Variants in TPRG1 observed in about 807,000 individuals in gnomAD.
TPRG1 encodes tumor protein p63-regulated gene 1 protein.
In TPRG1, 29 loss-of-function variants were observed where a neutral mutation model predicts 29.3. The observed-to-expected ratio is 0.99, with a 90% CI of 0.74 to 1.35. The LOEUF is 1.35. Among genes scored for constraint, TPRG1 ranks in the 40% most tolerant of loss-of-function variants. TPRG1 has a pLI of 0.00. For synonymous variants in TPRG1, 130 were observed against 116.8 expected (o/e 1.11, Z -0.73); for missense variants, 327 against 335.0 (o/e 0.98, Z 0.19).
At chr3:189,119,508 G>A (rs1721577208) in intron 1 of TPRG1, among the ~76,000 whole-genome samples, 1 of 152,168 alleles carries the variant, frequency 6.6e-6, no homozygotes, top group Non-Finnish European at 1.5e-5. Context: ...AATTGATATG[G>A]TTTGGCTCTG....
intron 1 of TPRG1, among the ~76,000 whole-genome samples, chr3:189,126,352 G>T (rs1005875378): frequency 1.3e-5 from 2 of 152,076 alleles, no homozygotes; most frequent in Admixed American, 6.5e-5. Context: ...TCTTTCCTTA[G>T]TTAAGGGAAT....
At chr3:189,093,115 AG>A (rs1718443830) in intron 4 of TPRG1, among the ~76,000 whole-genome samples, 1 of 152,120 alleles carries the variant, frequency 6.6e-6, no homozygotes, top group East Asian at 1.9e-4. Context: ...CCCTGTATAG[AG>A]GACAGTGAAT....
At chr3:189,281,996 T>C (rs905716020) in intron 4 of TPRG1, among the ~76,000 whole-genome samples, 1 of 152,090 alleles carries the variant, frequency 6.6e-6, no homozygotes. Flanking sequence ...TTCTCATGCC[T>C]CAGCTTCCTG....
intron 1 of TPRG1, among the ~76,000 whole-genome samples, chr3:189,191,646 T>G (rs545569826): frequency 1.8e-4 from 28 of 152,338 alleles, no homozygotes; most frequent in South Asian, 8.3e-4. Flanking sequence ...TTCAGCATTT[T>G]GGGAGCTTAA....
At chr3:189,270,017 ATCTTCT>A (rs72453037) in intron 4 of TPRG1, among the ~76,000 whole-genome samples, 3,669 of 148,564 alleles carry the variant, frequency 0.025, 92 homozygotes, top group African/African-American at 0.062. Flanking sequence ...TCTTCTCTGG[ATCTTCT>A]TCTTCTTCTT....
intron 1 of TPRG1, among the ~76,000 whole-genome samples, chr3:189,178,651 G>A (rs546449704): frequency 6.6e-6 from 1 of 152,248 alleles, no homozygotes; most frequent in Admixed American, 6.5e-5. Flanking sequence ...CAGGCTCCAG[G>A]GGTTGAAGTC....
At chr3:189,197,528 G>A (rs1732744977) in intron 1 of TPRG1, among the ~76,000 whole-genome samples, 1 of 152,124 alleles carries the variant, frequency 6.6e-6, no homozygotes, top group Non-Finnish European at 1.5e-5. Flanking sequence ...TGCAAAGTAG[G>A]ACACTTTTGC....
At chr3:189,108,305 T>A (rs899778291) in intron 1 of TPRG1, among the ~76,000 whole-genome samples, 3 of 152,168 alleles carry the variant, frequency 2.0e-5, no homozygotes, top group Admixed American at 2.0e-4. Flanking sequence ...AGGGGCAAGC[T>A]GACAGCAACT....
chr3:189,315,278 T>TTGTGTG (rs34255648), intron 5 of TPRG1, among the ~76,000 whole-genome samples: 567 of 143,492 alleles, frequency 4.0e-3, no homozygotes, highest in African/African-American at 0.013. Context: ...CCTGAAAGAA[T>TTGTGTG]TGTGTGTGTG....
intron 4 of TPRG1, among the ~76,000 whole-genome samples, chr3:189,078,992 AG>A (rs1421414621): frequency 2.0e-5 from 3 of 152,134 alleles, no homozygotes; most frequent in African/African-American, 7.2e-5. Flanking sequence ...TAAAGAAAAG[AG>A]GTTTATTGGG....
At position 189,013,923 on chromosome 3, in the gene TPRG1, G is replaced by A. The variant is rs1302258035; in HGVS notation, c.-660+9163G>A. Among the ~76,000 whole-genome samples the A allele has an allele frequency of 2.0e-5, 3 of 152,144 alleles. No homozygotes were observed. In the South Asian group the frequency reaches 6.2e-4, roughly 31 times the overall value. On this transcript the variant is annotated intron_variant, in intron 3 of 10. Coordinates refer to the TPRG1 transcript ENST00000433971. ...TTACCTGTGAAATGGATCTCTTGAA[G>A]ATAGCATTGCAGTGGGTGTTGGTTC...
rs566201630 is a variant in TPRG1, at chr3:189,284,898, A to G, written c.480-25488A>G. Among the ~76,000 whole-genome samples the G allele has an allele frequency of 4.5e-4, 69 of 152,336 alleles. 1 individual carries two copies. The highest frequency in any genetic ancestry group is 7.5e-4 in the Non-Finnish European group (51 of 68,036). On this transcript the variant is annotated intron_variant, in intron 4 of 5. Coordinates refer to ENST00000345063, the MANE Select transcript of TPRG1 (RefSeq NM_198485.4). ...GCATGGACAAGGACTTCATGTCTAA[A>G]ACACCAAAAGCAATGGCAACAAAAG... is the stretch of plus-strand genomic sequence containing the variant.
chr3:189,072,755 C>A (rs200109613), intron 4 of TPRG1, among the ~76,000 whole-genome samples: 1 of 152,182 alleles, frequency 6.6e-6, no homozygotes, highest in African/African-American at 2.4e-5. Context: ...CTTTATATCT[C>A]TCTATCAATC....
chr3:189,145,272 G>T (rs1725098116), intron 3 of TPRG1, among the ~76,000 whole-genome samples: 1 of 150,060 alleles, frequency 6.7e-6, no homozygotes, highest in Admixed American at 6.8e-5. Flanking sequence ...TGAGGCAGGA[G>T]AATCATTTGA....
At chr3:189,298,603 G>T (rs939096966) in intron 4 of TPRG1, among the ~76,000 whole-genome samples, 1 of 152,112 alleles carries the variant, frequency 6.6e-6, no homozygotes, top group African/African-American at 2.4e-5. Context: ...TTCACCTGTG[G>T]TTGGTAGAAT....
intron 4 of TPRG1, among the ~76,000 whole-genome samples, chr3:189,242,461 G>C (rs185204031): frequency 6.6e-6 from 1 of 151,872 alleles, no homozygotes; most frequent in East Asian, 1.9e-4. Flanking sequence ...TCATTCCTAA[G>C]GTAAACATGT....
In TPRG1 at chr3:189,186,985, G is replaced by GTTTTTTTTTT. The variant is rs397875585; in HGVS notation, c.-10+14866_-10+14875dup. On this transcript the variant is annotated intron_variant, in intron 1 of 5. Transcript: ENST00000345063. ...TTAGATTCATTTGTTCATCTAAAGTGTTTTTTTTTTTTTTTTTTTTTGAGA... is the reference window on the plus strand; with the variant it reads ...TTAGATTCATTTGTTCATCTAAAGTGTTTTTTTTTTTTTTTTTTTTTTTTTTTTTTTGAGA... Among the ~76,000 whole-genome samples the GTTTTTTTTTT allele has an allele frequency of 7.9e-5, 7 of 88,956 alleles. 1 individual carries two copies. Among genetic ancestry groups the GTTTTTTTTTT allele is most frequent in the South Asian group, 4.5e-4 (1 of 2,218 alleles). 58.4% of individuals were successfully genotyped at this position (88,956 alleles called of 152,430 possible).
intron 4 of TPRG1, among the ~76,000 whole-genome samples, chr3:189,275,113 G>A (rs1019113449): frequency 5.3e-5 from 8 of 152,084 alleles, no homozygotes; most frequent in African/African-American, 1.9e-4. Context: ...CACCTGCAGT[G>A]AAGTCTGAGG....
At chr3:189,265,086 A>G (rs528855430) in intron 4 of TPRG1, among the ~76,000 whole-genome samples, 1 of 152,342 alleles carries the variant, frequency 6.6e-6, no homozygotes, top group Admixed American at 6.5e-5. Context: ...AGCCATTTGA[A>G]TTTTGACATT....
Sources: gnomAD v4.1 joint callset for allele counts (sites outside exome capture counted in the v4.1 genomes callset) on GRCh38, gnomAD v4.1.1 for gene constraint, MANE v1.5 for transcripts, NCBI Gene and HGNC (gene_info 2026-07-23, HGNC 2026-07-21) for gene names.